NPFFR2: variants seen among roughly 807,000 people sequenced by gnomAD.
NPFFR2 encodes the protein neuropeptide FF receptor 2, also known as G-protein coupled receptor 74.
A neutral mutation model predicts 13.1 loss-of-function variants in NPFFR2; 15 were observed. The ratio of observed to expected loss-of-function variants is 1.15; its 90% CI spans 0.77 to 1.76. The LOEUF is 1.76. Ranked by LOEUF, NPFFR2 falls within the 40% of genes most tolerant of loss-of-function variation. The pLI is 0.00. For missense variants in NPFFR2, 572 were observed against 503.5 expected (o/e 1.14, Z -1.30); for synonymous variants, 190 against 175.7 (o/e 1.08, Z -0.65).
At chr4:72,063,260 T>G (rs1490331840) in intron 1 of NPFFR2, among the ~76,000 whole-genome samples, 1 of 152,194 alleles carries the variant, frequency 6.6e-6, no homozygotes, top group African/African-American at 2.4e-5. Context: ...GTCTAAAGAA[T>G]TTATTCATTG....
chr4:72,101,821 A>C (rs146623000), intron 1 of NPFFR2, among the ~76,000 whole-genome samples: 241 of 152,244 alleles, frequency 1.6e-3, no homozygotes, highest in South Asian at 3.9e-3. Flanking sequence ...TGTATTCTCC[A>C]GCTGGGACTC....
At chr4:72,068,852 T>TA in intron 1 of NPFFR2, 1 of 284,822 alleles carries the variant, frequency 3.5e-6, no homozygotes, top group South Asian at 1.1e-4. Context: ...TTTTTTTTTT[T>TA]TATCTTATCT....
chr4:72,089,555 T>G (rs1353575185), intron 1 of NPFFR2, among the ~76,000 whole-genome samples: 3 of 152,194 alleles, frequency 2.0e-5, no homozygotes, highest in African/African-American at 7.2e-5. Context: ...GTGGTTTTGA[T>G]TTGCATTTCT....
chr4:72,084,298 A>G (rs1356373733), intron 1 of NPFFR2, among the ~76,000 whole-genome samples: 1 of 152,182 alleles, frequency 6.6e-6, no homozygotes, highest in African/African-American at 2.4e-5. Context: ...TCAACTCCAC[A>G]AAAGAATAGA....
chr4:72,042,532 A>T (rs1458997144), intron 1 of NPFFR2, among the ~76,000 whole-genome samples: 1 of 152,156 alleles, frequency 6.6e-6, no homozygotes, highest in Non-Finnish European at 1.5e-5. Context: ...CTTCCTAGAG[A>T]CTTGTTGAAT....
intron 1 of NPFFR2, among the ~76,000 whole-genome samples, chr4:72,087,140 G>A (rs754296317): frequency 6.6e-6 from 1 of 152,042 alleles, no homozygotes; most frequent in Non-Finnish European, 1.5e-5. Context: ...GTATTTTGGT[G>A]TGAGGATTTT....
chr4:72,050,770 C>A (rs968574271), intron 1 of NPFFR2, among the ~76,000 whole-genome samples: 1 of 149,216 alleles, frequency 6.7e-6, no homozygotes, highest in Non-Finnish European at 1.5e-5. Context: ...CACCTCCCCC[C>A]ACCCCACAAC....
At chr4:72,132,658 C>A (rs1021843589) in intron 2 of NPFFR2, among the ~76,000 whole-genome samples, 3 of 152,152 alleles carry the variant, frequency 2.0e-5, no homozygotes, top group Admixed American at 2.0e-4. Context: ...TTGCCAACAT[C>A]TGTTACTTTT....
chr4:72,128,833 A>G lies in NPFFR2; in HGVS notation c.242A>G (p.Asn81Ser). The G allele has an allele frequency of 6.2e-7, 1 of 1,614,140 alleles. No homozygotes were observed. The highest frequency in any genetic ancestry group is 8.5e-7 in the Non-Finnish European group (1 of 1,179,994). Residue 81 changes from asparagine to serine, a missense_variant, in exon 2 of 4, where the codon AAT (asparagine) becomes AGT (serine). Asn to Ser is a conservative substitution (Grantham distance 46). Transcript: ENST00000308744. ...MRNKHMHTVT[N>S]LFILNLAISD... ...AACAAACATATGCACACAGTCACTAATCTCTTCATCTTAAACCTGGCCATA... is the reference window on the plus strand; with the variant it reads ...AACAAACATATGCACACAGTCACTAGTCTCTTCATCTTAAACCTGGCCATA...
chr4:72,110,431 T>G (rs1204494547), intron 1 of NPFFR2, among the ~76,000 whole-genome samples: 1 of 151,986 alleles, frequency 6.6e-6, no homozygotes, highest in African/African-American at 2.4e-5. Context: ...CTGTATGCAG[T>G]GATTCCCTTC....
At chr4:72,058,455 A>C (rs373710413) in intron 1 of NPFFR2, among the ~76,000 whole-genome samples, 5 of 151,972 alleles carry the variant, frequency 3.3e-5, no homozygotes, top group African/African-American at 1.2e-4. Flanking sequence ...TCTGGTTCCC[A>C]AAATTCATTG....
chr4:72,074,944 A>G (rs1720381676), intron 1 of NPFFR2, among the ~76,000 whole-genome samples: 1 of 141,816 alleles, frequency 7.1e-6, no homozygotes, highest in Non-Finnish European at 1.5e-5. Context: ...CATATTAATA[A>G]AAGATTCAAT....
At chr4:72,132,881 G>T (rs541224191) in intron 2 of NPFFR2, among the ~76,000 whole-genome samples, 1 of 152,178 alleles carries the variant, frequency 6.6e-6, no homozygotes, top group Admixed American at 6.5e-5. Flanking sequence ...GTTCCTTTTA[G>T]ATGCTGGATA....
intron 1 of NPFFR2, among the ~76,000 whole-genome samples, chr4:72,053,373 T>G (rs150459278): frequency 3.9e-5 from 6 of 151,934 alleles, no homozygotes; most frequent in Admixed American, 3.9e-4. Flanking sequence ...ATGAGTGAAC[T>G]AAAATTGTCC....
At chr4:72,125,201 G>T (rs527263665) in intron 1 of NPFFR2, among the ~76,000 whole-genome samples, 1 of 152,320 alleles carries the variant, frequency 6.6e-6, no homozygotes, top group East Asian at 1.9e-4. Context: ...GGTCATTAGA[G>T]AAATGCAAAT....
At chr4:72,144,486 C>G (rs1722718876) in intron 3 of NPFFR2, among the ~76,000 whole-genome samples, 1 of 152,056 alleles carries the variant, frequency 6.6e-6, no homozygotes, top group African/African-American at 2.4e-5. Context: ...CACTTGCACT[C>G]AAATGCTTTT....
chr4:72,102,645 G>A (rs182510593), intron 1 of NPFFR2, among the ~76,000 whole-genome samples: 2,688 of 150,678 alleles, frequency 0.018, 88 homozygotes, highest in African/African-American at 0.062. Flanking sequence ...TTGTCCTTGC[G>A]ATAGTTTGCT....
chr4:72,098,709 A>G (rs1721140851), intron 1 of NPFFR2, among the ~76,000 whole-genome samples: 1 of 152,192 alleles, frequency 6.6e-6, no homozygotes, highest in Non-Finnish European at 1.5e-5. Context: ...TCTCCGAACC[A>G]TGACACAGGG....
At chr4:72,073,269 T>C (rs1051365338) in intron 1 of NPFFR2, among the ~76,000 whole-genome samples, 2 of 152,040 alleles carry the variant, frequency 1.3e-5, no homozygotes, top group African/African-American at 4.8e-5. Flanking sequence ...CATGATGTAA[T>C]TATTACATAT....
Sources: allele counts gnomAD v4.1 joint callset (sites outside exome capture counted in the v4.1 genomes callset), GRCh38; gene constraint gnomAD v4.1.1; transcripts MANE v1.5; gene names NCBI Gene and HGNC (gene_info 2026-07-23, HGNC 2026-07-21).